Variants in CCDC73 observed in about 807,000 individuals in gnomAD.
The protein encoded by CCDC73 is coiled-coil domain-containing protein 73.
CCDC73 carries 95 observed loss-of-function variants against 116.5 expected under a neutral mutation model. That is an observed-to-expected ratio of 0.82 (90% CI 0.69 to 0.97). The LOEUF (loss-of-function observed/expected upper bound fraction) is 0.97. Among genes scored for constraint, CCDC73 ranks in the 50% least tolerant of loss-of-function variants. The probability of loss-of-function intolerance (pLI) is 0.00; values close to 1 mark genes in which losing one functional copy is unlikely to be tolerated. For synonymous variants in CCDC73, 398 were observed against 401.3 expected, an observed-to-expected ratio of 0.99 and a Z score of 0.10; for missense variants, 1,066 against 1,206.8, an observed-to-expected ratio of 0.88 and a Z score of 1.73.
At chr11:32,605,236 T>G (rs1244169252) in intron 17 of CCDC73, 1 of 151,618 alleles carries the variant, frequency 6.6e-6, no homozygotes, top group African/African-American at 2.4e-5. Context: ...AGTGTTCCTT[T>G]TGGATTGCTC....
At chr11:32,612,809 A>G (rs1423624821) in intron 16 of CCDC73, among the ~76,000 whole-genome samples, 1 of 152,152 alleles carries the variant, frequency 6.6e-6, no homozygotes, top group Non-Finnish European at 1.5e-5. Flanking sequence ...ATACCCATCA[A>G]TATTAAGTCA....
At chr11:32,694,374 T>G (rs1007833407) in intron 6 of CCDC73, among the ~76,000 whole-genome samples, 7 of 152,158 alleles carry the variant, frequency 4.6e-5, no homozygotes, top group Non-Finnish European at 8.8e-5. Flanking sequence ...GTGAAGGACC[T>G]CTTCCAGGAG....
At chr11:32,641,355 T>G (rs1306307704) in intron 13 of CCDC73, among the ~76,000 whole-genome samples, 1 of 152,074 alleles carries the variant, frequency 6.6e-6, no homozygotes, top group Non-Finnish European at 1.5e-5. Flanking sequence ...CCTTTATATT[T>G]CACAACTTGA....
intron 6 of CCDC73, among the ~76,000 whole-genome samples, chr11:32,688,704 T>C (rs1856227295): frequency 6.6e-6 from 1 of 152,202 alleles, no homozygotes; most frequent in African/African-American, 2.4e-5. Context: ...GTTCTTTGTA[T>C]TGTAGTTCCA....
At chr11:32,720,851 G>T (rs899192404) in intron 2 of CCDC73, among the ~76,000 whole-genome samples, 29 of 152,172 alleles carry the variant, frequency 1.9e-4, no homozygotes, top group African/African-American at 6.5e-4. Flanking sequence ...GAGCTTTCTG[G>T]GTTGATGAAA....
At chr11:32,770,708 T>G (rs1262783019) in intron 1 of CCDC73, among the ~76,000 whole-genome samples, 2 of 152,182 alleles carry the variant, frequency 1.3e-5, no homozygotes, top group East Asian at 3.8e-4. Flanking sequence ...AAATTGTGGA[T>G]CTGACTAAGG....
In CCDC73 at chr11:32,654,935, T is replaced by G. The variant is rs1260601494; in HGVS notation, c.683A>C (p.Lys228Thr). The change falls in exon 10 of 18, where the codon AAA becomes ACA. Residue 228 changes from lysine to threonine, a missense_variant. Physicochemically the swap from Lys to Thr is moderately conservative, Grantham distance 78. Transcript: ENST00000335185. ...KKAASDLIKS[K>T]VTCQYKMGEE... is the part of the protein sequence containing the mutation. Reference sequence around the variant, plus strand: ...TCCCATCTTATATTGACATGTGACTTTGGACTTTATCAAGTCTGAGGCTGC... The same window carrying G: ...TCCCATCTTATATTGACATGTGACTGTGGACTTTATCAAGTCTGAGGCTGC... The G allele has an allele frequency of 1.2e-6, 2 of 1,602,866 alleles. No homozygotes were observed. The highest frequency in any genetic ancestry group is 1.7e-6 in the Non-Finnish European group (2 of 1,176,958).
the CCDC73 span, among the ~76,000 whole-genome samples, chr11:32,803,371 G>A: frequency 2.0e-4 from 30 of 152,176 alleles, no homozygotes; most frequent in East Asian, 5.4e-3. Context: ...GATTACAGGC[G>A]TGCGCCACCA....
the CCDC73 span, among the ~76,000 whole-genome samples, chr11:32,802,197 A>T: frequency 2.6e-5 from 4 of 152,194 alleles, no homozygotes; most frequent in Non-Finnish European, 5.9e-5. Flanking sequence ...CTGCACTAAC[A>T]TTTATAGTTC....
chr11:32,800,760 A>C, the CCDC73 span, among the ~76,000 whole-genome samples: 1 of 152,158 alleles, frequency 6.6e-6, no homozygotes, highest in South Asian at 2.1e-4. Flanking sequence ...ACGAAGTAGG[A>C]GAAGAAGAGT....
At chr11:32,660,275 C>T (rs961740868) in intron 9 of CCDC73, among the ~76,000 whole-genome samples, 47 of 145,188 alleles carry the variant, frequency 3.2e-4, no homozygotes, top group Non-Finnish European at 5.8e-4. Flanking sequence ...TCCAGTTAAC[C>T]ACTTTCAAAT....
At chr11:32,612,018 A>C (rs1855426495) in intron 16 of CCDC73, among the ~76,000 whole-genome samples, 1 of 152,198 alleles carries the variant, frequency 6.6e-6, no homozygotes, top group Non-Finnish European at 1.5e-5. Context: ...CAGTTTGGGA[A>C]ATGAGGTTAT....
Position 32,623,370 on chromosome 11 carries a change from G to A in CCDC73, c.1186-7241C>T, listed in dbSNP as rs114359633. ...GCCCTATGTTTTTGTTTGTTTATTT[G>A]TTTTGTGACAGGGTCTCCCTCAGTC... is the stretch of plus-strand genomic sequence containing the variant. On this transcript the variant is annotated intron_variant, in intron 14 of 17. Coordinates refer to ENST00000335185, the MANE Select transcript of CCDC73 (RefSeq NM_001008391.4). Among the ~76,000 whole-genome samples, 692 of 151,662 alleles carry A rather than the reference G, an allele frequency of 4.6e-3. 3 individuals carry two copies. The highest frequency in any genetic ancestry group is 0.016 in the African/African-American group (655 of 41,304).
intron 2 of CCDC73, among the ~76,000 whole-genome samples, chr11:32,722,285 T>G (rs539945652): frequency 6.6e-6 from 1 of 152,306 alleles, no homozygotes; most frequent in East Asian, 1.9e-4. Context: ...AAAAAGTGTA[T>G]TCTCTTAAAA....
At chr11:32,734,929 T>C (rs1484278770) in intron 2 of CCDC73, among the ~76,000 whole-genome samples, 1 of 152,194 alleles carries the variant, frequency 6.6e-6, no homozygotes, top group African/African-American at 2.4e-5. Context: ...CACATGATTA[T>C]CTCAATAGAT....
At chr11:32,647,259 G>C (rs1855786507) in intron 12 of CCDC73, among the ~76,000 whole-genome samples, 1 of 152,194 alleles carries the variant, frequency 6.6e-6, no homozygotes, top group Non-Finnish European at 1.5e-5. Flanking sequence ...TGAAGTGGGA[G>C]CTTGCACATC....
At chr11:32,760,282 T>TA (rs1850380944) in intron 1 of CCDC73, 24 bp from the exon 2 acceptor site, 1 of 1,259,074 alleles carries the variant, frequency 7.9e-7, no homozygotes, top group Non-Finnish European at 1.1e-6. Flanking sequence ...AGGTCTTAAC[T>TA]GAAAAAAAAT....
intron 12 of CCDC73, among the ~76,000 whole-genome samples, chr11:32,645,210 T>C (rs1377869894): frequency 6.6e-6 from 1 of 152,102 alleles, no homozygotes; most frequent in African/African-American, 2.4e-5. Context: ...TTTCCTATCA[T>C]AATACTCCCT....
the CCDC73 span, among the ~76,000 whole-genome samples, chr11:32,820,774 A>G: frequency 6.6e-6 from 1 of 152,152 alleles, no homozygotes; most frequent in East Asian, 1.9e-4. Flanking sequence ...TCTAACTGAC[A>G]AAACAAAACA....
Sources: gnomAD v4.1 joint callset for allele counts (sites outside exome capture counted in the v4.1 genomes callset) on GRCh38, gnomAD v4.1.1 for gene constraint, MANE v1.5 for transcripts, NCBI Gene and HGNC (gene_info 2026-07-23, HGNC 2026-07-21) for gene names.